The following BOLL variants were observed in gnomAD, a reference collection of about 807,000 sequenced individuals.
BOLL encodes protein boule-like.
A neutral mutation model predicts 44.4 loss-of-function variants in BOLL; 23 were observed. The ratio of observed to expected loss-of-function variants is 0.52; its 90% CI spans 0.37 to 0.73. The LOEUF (loss-of-function observed/expected upper bound fraction) is 0.73, where lower values mean the gene tolerates loss of function less well. Ranked by LOEUF, BOLL falls within the 30% of genes least tolerant of loss-of-function variation. The pLI, the probability that BOLL is intolerant of heterozygous loss-of-function variation, is 0.00. For synonymous variants in BOLL, 97 were observed against 110.8 expected, an observed-to-expected ratio of 0.88 and a Z score of 0.78; for missense variants, 287 against 338.3, an observed-to-expected ratio of 0.85 and a Z score of 1.19.
In BOLL at chr2:197,776,798, T is replaced by C. The variant is rs180928447; in HGVS notation, c.276+261A>G. 3.3e-5 allele frequency among the ~76,000 whole-genome samples: 5 copies of C among 152,064 alleles called. No individual in the cohort carries two copies. The East Asian group carries it at 9.7e-4, about 29-fold the overall frequency. On this transcript the variant is annotated intron_variant, in intron 4 of 10. Coordinates refer to ENST00000392296, the MANE Select transcript of BOLL (RefSeq NM_033030.6). ...AGTGTTTTTTAAACATTCAAAATGC[T>C]ATTAACACTTCGCAAAAGATATATC...
intron 7 of BOLL, among the ~76,000 whole-genome samples, chr2:197,761,713 C>G (rs1688766103): frequency 1.3e-5 from 2 of 151,794 alleles, no homozygotes; most frequent in Admixed American, 1.3e-4. Context: ...AGAAACTCAC[C>G]TTACCTGTAA....
intron 9 of BOLL, among the ~76,000 whole-genome samples, chr2:197,749,988 A>G (rs1015903195): frequency 3.9e-5 from 6 of 152,180 alleles, no homozygotes; most frequent in Non-Finnish European, 8.8e-5. Flanking sequence ...GTAGCGGCCA[A>G]TATTCAACAT....
At chr2:197,760,481 C>T (rs1409680409) in intron 7 of BOLL, among the ~76,000 whole-genome samples, 1 of 152,230 alleles carries the variant, frequency 6.6e-6, no homozygotes, top group East Asian at 1.9e-4. Flanking sequence ...CTGGTGGGCA[C>T]TCCTCCAGGC....
chr2:197,743,107 C>T lies in BOLL; in HGVS notation c.782G>A (p.Ser261Asn), dbSNP rs375573791. 8.7e-6 allele frequency: 14 copies of T among 1,606,030 alleles called. No individual in the cohort carries two copies. In the African/African-American group the frequency reaches 1.5e-4, roughly 17 times the overall value. Residue 261 changes from serine to asparagine, a missense_variant, in exon 10 of 11, where the codon AGT (serine) becomes AAT (asparagine). Coordinates refer to ENST00000392296, the MANE Select transcript of BOLL (RefSeq NM_033030.6). ...CACAGGCGCAGGCATAGTGATGGCA[C>T]TTGGAGCATAAACCTGGTGATATGT... ...QATYHQVYAP[S>N]AITMPAPVMQ...
chr2:197,734,052 C>T (rs1243727110), intron 10 of BOLL, among the ~76,000 whole-genome samples: 1 of 151,146 alleles, frequency 6.6e-6, no homozygotes, highest in Non-Finnish European at 1.5e-5. Flanking sequence ...AAAATTTTTG[C>T]AACCTACTCA....
intron 3 of BOLL, 73 bp from the exon 4 acceptor site, chr2:197,777,186 A>T: frequency 2.5e-5 from 27 of 1,099,328 alleles, no homozygotes; most frequent in Non-Finnish European, 3.2e-5. Context: ...TAAAATGTTT[A>T]AAAATTTTGT....
intron 3 of BOLL, 135 bp from the exon 4 acceptor site, chr2:197,777,248 C>A: frequency 2.2e-6 from 1 of 446,706 alleles, no homozygotes; most frequent in East Asian, 3.9e-5. Flanking sequence ...GCTGCACTAG[C>A]ATGGGAATCT....
chr2:197,776,134 T>A (rs1481492101), intron 4 of BOLL, among the ~76,000 whole-genome samples: 1 of 151,898 alleles, frequency 6.6e-6, no homozygotes, highest in East Asian at 1.9e-4. Flanking sequence ...TATTCTTTCT[T>A]CTTGTTCCAG....
intron 9 of BOLL, among the ~76,000 whole-genome samples, chr2:197,749,040 G>A (rs1688113758): frequency 6.6e-6 from 1 of 152,244 alleles, no homozygotes; most frequent in Non-Finnish European, 1.5e-5. Context: ...AGAAGAAGGA[G>A]CAGGCAGCAA....
chr2:197,745,117 G>T (rs532697927), intron 9 of BOLL, among the ~76,000 whole-genome samples: 1 of 152,332 alleles, frequency 6.6e-6, no homozygotes, highest in South Asian at 2.1e-4. Context: ...CAAAAGAGAA[G>T]GCAAAGCTAT....
intron 9 of BOLL, among the ~76,000 whole-genome samples, chr2:197,747,331 C>A (rs1438376007): frequency 6.6e-6 from 1 of 151,972 alleles, no homozygotes; most frequent in Non-Finnish European, 1.5e-5. Flanking sequence ...CGCCTGTAAT[C>A]TCAGCACTTT....
intron 9 of BOLL, among the ~76,000 whole-genome samples, chr2:197,743,733 C>A (rs1687865319): frequency 6.6e-6 from 1 of 151,902 alleles, no homozygotes; most frequent in Non-Finnish European, 1.5e-5. Flanking sequence ...TTAGTAATAC[C>A]TTTTATTTAA....
chr2:197,735,622 A>C (rs558635087), intron 10 of BOLL, among the ~76,000 whole-genome samples: 10 of 152,176 alleles, frequency 6.6e-5, no homozygotes, highest in Non-Finnish European at 1.3e-4. Context: ...AGGATGAAGT[A>C]GGTGAAGGAT....
chr2:197,766,623 GA>G lies in BOLL; in HGVS notation c.481-21del. The G allele has an allele frequency of 6.3e-7, 1 of 1,579,028 alleles. No homozygotes were observed. Among genetic ancestry groups the G allele is most frequent in the Non-Finnish European group, 8.7e-7 (1 of 1,151,724 alleles). ...ACGTGACTATAAAAGGATGGAAAAA[GA>G]AAAATTAGGCAGAAGCCTTTAAAAT... On this transcript the variant is annotated intron_variant, in intron 6 of 10. Transcript: ENST00000392296.
At chr2:197,751,203 C>T (rs1228516952) in intron 9 of BOLL, among the ~76,000 whole-genome samples, 4 of 152,050 alleles carry the variant, frequency 2.6e-5, no homozygotes, top group Non-Finnish European at 2.9e-5. Flanking sequence ...AGGGAAAGAT[C>T]TAAAATGGAC....
chr2:197,772,709 A>G (rs700653), intron 5 of BOLL, among the ~76,000 whole-genome samples: 75,017 of 151,622 alleles, frequency 0.49, 19,222 homozygotes, highest in African/African-American at 0.6. Context: ...TAAATAATAT[A>G]CATAGATATA....
At chr2:197,760,543 C>T (rs1688709661) in intron 7 of BOLL, among the ~76,000 whole-genome samples, 1 of 152,216 alleles carries the variant, frequency 6.6e-6, no homozygotes, top group African/African-American at 2.4e-5. Flanking sequence ...AGCCCTGTGG[C>T]CCCAAGCCCA....
chr2:197,747,424 A>C (rs533295735), intron 9 of BOLL, among the ~76,000 whole-genome samples: 2 of 152,130 alleles, frequency 1.3e-5, no homozygotes, highest in East Asian at 3.9e-4. Flanking sequence ...TCTACTAAAA[A>C]TACAAAAAAT....
chr2:197,776,017 A>G (rs1689492920), intron 4 of BOLL, among the ~76,000 whole-genome samples: 1 of 151,828 alleles, frequency 6.6e-6, no homozygotes, highest in Admixed American at 6.6e-5. Context: ...TGTAATCCTA[A>G]AATTAATATT....
Sources: allele counts gnomAD v4.1 joint callset (sites outside exome capture counted in the v4.1 genomes callset), GRCh38; gene constraint gnomAD v4.1.1; transcripts MANE v1.5; gene names NCBI Gene and HGNC (gene_info 2026-07-23, HGNC 2026-07-21).